Variants in CDC42BPA observed in about 807,000 individuals in gnomAD.
CDC42BPA encodes CDC42 binding protein kinase alpha.
Under a neutral mutation model 223.5 loss-of-function variants are expected in CDC42BPA, and 80 were observed. The ratio of observed to expected loss-of-function variants is 0.36; its 90% CI spans 0.30 to 0.43. The LOEUF is 0.43. Ranked by LOEUF, CDC42BPA falls within the 20% of genes least tolerant of loss-of-function variation. CDC42BPA has a pLI of 1.00. For missense variants in CDC42BPA, 1,743 were observed against 2,099.9 expected (o/e 0.83, Z 3.32); for synonymous variants, 694 against 718.6 (o/e 0.97, Z 0.55).
intron 1 of CDC42BPA, among the ~76,000 whole-genome samples, chr1:227,285,911 A>G (rs1688732643): frequency 6.6e-6 from 1 of 152,202 alleles, no homozygotes; most frequent in African/African-American, 2.4e-5. Context: ...AGAGAAGAAC[A>G]GCATCCTGAG....
At position 227,089,316 on chromosome 1, in the gene CDC42BPA, T is replaced by C. The variant is rs965515904; in HGVS notation, c.2355+2570A>G. ...GGGAAACTACCCACTTCTAACCAAA[T>C]TGGAAAATGAATAAATGGAAAGTGA... On this transcript the variant is annotated intron_variant, in intron 16 of 36. Coordinates refer to ENST00000366766, the MANE Select transcript of CDC42BPA (RefSeq NM_001394014.1). Among the ~76,000 whole-genome samples, 11 of 152,226 alleles carry C rather than the reference T, an allele frequency of 7.2e-5. No individual in the cohort carries two copies. The East Asian group carries it at 7.7e-4, about 11-fold the overall frequency.
chr1:227,033,762 C>T (rs1669745300), intron 26 of CDC42BPA, among the ~76,000 whole-genome samples: 1 of 152,130 alleles, frequency 6.6e-6, no homozygotes, highest in Admixed American at 6.5e-5. Context: ...GTACCCTCAA[C>T]CCAGCTCATG....
chr1:227,115,931 T>G (rs939733504), intron 12 of CDC42BPA, among the ~76,000 whole-genome samples: 1 of 151,596 alleles, frequency 6.6e-6, no homozygotes, highest in African/African-American at 2.4e-5. Context: ...TTTTGAAAAT[T>G]AGTAAATCAG....
intron 1 of CDC42BPA, among the ~76,000 whole-genome samples, chr1:227,295,899 C>T (rs1690564822): frequency 6.6e-6 from 1 of 152,214 alleles, no homozygotes; most frequent in South Asian, 2.1e-4. Context: ...TCAGCCAGAA[C>T]TACTGACGTG....
chr1:227,161,168 C>T lies in CDC42BPA; in HGVS notation c.600-532G>A, dbSNP rs191525782. On this transcript the variant is annotated intron_variant, in intron 5 of 36. Transcript: ENST00000366766. ...AATAGACTGTCTATATTATTTAAAG[C>T]TTTCATTGTCTTTGGATGTTAAGTC... Among the ~76,000 whole-genome samples the T allele has an allele frequency of 4.0e-3, 612 of 152,254 alleles. 6 individuals carry two copies. The highest frequency in any genetic ancestry group is 6.5e-3 in the Non-Finnish European group (444 of 68,006).
At chr1:227,215,711 T>A (rs1261262407) in intron 2 of CDC42BPA, among the ~76,000 whole-genome samples, 1 of 152,198 alleles carries the variant, frequency 6.6e-6, no homozygotes, top group African/African-American at 2.4e-5. Context: ...CACTGCCAAC[T>A]CTACCTCTAA....
chr1:227,081,258 T>C (rs1443314081), intron 16 of CDC42BPA, among the ~76,000 whole-genome samples: 2 of 151,930 alleles, frequency 1.3e-5, no homozygotes, highest in Admixed American at 6.6e-5. Flanking sequence ...GGCTTAAGAA[T>C]TGCCCATTTC....
At chr1:227,205,196 AAGG>A (rs1278958454) in intron 3 of CDC42BPA, among the ~76,000 whole-genome samples, 8 of 150,290 alleles carry the variant, frequency 5.3e-5, no homozygotes, top group East Asian at 1.9e-4. Context: ...TTGAACCCTG[AAGG>A]AGGAGGCTGC....
chr1:227,190,047 C>G (rs966344320), intron 5 of CDC42BPA, among the ~76,000 whole-genome samples: 1 of 152,136 alleles, frequency 6.6e-6, no homozygotes, highest in Non-Finnish European at 1.5e-5. Flanking sequence ...AATCTCTTTA[C>G]AAATTAATCT....
intron 35 of CDC42BPA, among the ~76,000 whole-genome samples, chr1:226,996,732 A>G (rs992455328): frequency 6.6e-6 from 1 of 152,164 alleles, no homozygotes; most frequent in East Asian, 1.9e-4. Flanking sequence ...GGTTTTTGTC[A>G]CTGGTTCTGT....
chr1:227,316,177 A>G (rs187589388), intron 1 of CDC42BPA, among the ~76,000 whole-genome samples: 1 of 152,326 alleles, frequency 6.6e-6, no homozygotes, highest in Admixed American at 6.5e-5. Flanking sequence ...TTATTGCAAC[A>G]GTGAACTTCT....
chr1:227,120,022 A>T (rs773341950), intron 11 of CDC42BPA, 85 bp from the exon 12 acceptor site: 23 of 1,064,048 alleles, frequency 2.2e-5, no homozygotes, highest in South Asian at 1.0e-4. Flanking sequence ...AATTTTTTTT[A>T]AAATTGGTAT....
intron 11 of CDC42BPA, 73 bp downstream of exon 11, chr1:227,129,036 A>G: frequency 1.0e-6 from 1 of 1,003,476 alleles, no homozygotes; most frequent in East Asian, 2.4e-5. Context: ...TTCTCAATAG[A>G]TGTTTTTTGT....
At chr1:227,297,869 T>C (rs1690913122) in intron 1 of CDC42BPA, among the ~76,000 whole-genome samples, 1 of 151,060 alleles carries the variant, frequency 6.6e-6, no homozygotes, top group Admixed American at 6.6e-5. Flanking sequence ...GGTGATGTTA[T>C]ACATTTTGAA....
intron 32 of CDC42BPA, among the ~76,000 whole-genome samples, chr1:227,018,520 GC>G (rs1391295649): frequency 6.6e-6 from 1 of 152,180 alleles, no homozygotes; most frequent in Non-Finnish European, 1.5e-5. Context: ...AGATGAAAAA[GC>G]ATGGGAAAAG....
At chr1:227,074,812 A>G (rs1679120331) in intron 17 of CDC42BPA, among the ~76,000 whole-genome samples, 1 of 152,202 alleles carries the variant, frequency 6.6e-6, no homozygotes, top group Non-Finnish European at 1.5e-5. Flanking sequence ...GATATTCTGC[A>G]AAAATCAGGG....
At chr1:227,169,337 C>T (rs771527846) in intron 5 of CDC42BPA, among the ~76,000 whole-genome samples, 21 of 152,040 alleles carry the variant, frequency 1.4e-4, no homozygotes, top group Non-Finnish European at 2.6e-4. Flanking sequence ...CTGAATGTTC[C>T]CTGAACATAA....
At position 227,002,110 on chromosome 1, in the gene CDC42BPA, T is replaced by C. The variant is rs185360191; in HGVS notation, c.4975+2884A>G. ...GTTCGTGGGAACTTAATGTGTTTGT[T>C]TGTCATGGATCTTGCTGGGAATATA... On this transcript the variant is annotated intron_variant, in intron 35 of 36. Transcript: ENST00000366766. 3.9e-5 allele frequency among the ~76,000 whole-genome samples: 6 copies of C among 152,246 alleles called. No individual in the cohort carries two copies. The East Asian group carries it at 5.8e-4, about 15-fold the overall frequency.
chr1:227,071,641 T>C (rs1207754903), intron 20 of CDC42BPA, among the ~76,000 whole-genome samples: 1 of 151,496 alleles, frequency 6.6e-6, no homozygotes, highest in Admixed American at 6.6e-5. Context: ...CTTACTGAAT[T>C]GCTCCATTAA....
Sources: gnomAD v4.1 joint callset for allele counts (sites outside exome capture counted in the v4.1 genomes callset) on GRCh38, gnomAD v4.1.1 for gene constraint, MANE v1.5 for transcripts, NCBI Gene and HGNC (gene_info 2026-07-23, HGNC 2026-07-21) for gene names.